Variants in CAPN5 observed in about 807,000 individuals in gnomAD.
CAPN5 encodes calpain 5, also known as calpain-5.
In CAPN5, 54 loss-of-function variants were observed where a neutral mutation model predicts 73.0. The observed-to-expected ratio is 0.74, with a 90% CI of 0.59 to 0.93. The LOEUF is 0.93. CAPN5 is among the 40% of genes least tolerant of loss of function. The pLI, the probability that CAPN5 is intolerant of heterozygous loss-of-function variation, is 0.00. For missense variants in CAPN5, 785 were observed against 882.9 expected, an observed-to-expected ratio of 0.89 and a Z score of 1.41; for synonymous variants, 335 against 356.9, an observed-to-expected ratio of 0.94 and a Z score of 0.69.
Position 77,074,878 on chromosome 11 carries a change from C to T in CAPN5, c.-36+7784C>T, listed in dbSNP as rs565717638. On this transcript the variant is annotated intron_variant, in intron 1 of 12. Coordinates refer to ENST00000648180, the MANE Select transcript of CAPN5 (RefSeq NM_004055.5). ...TCCTGCATTCTCCCTTCACCCCCAC[C>T]AGTGGCTGGCCACCAGGAAGAGCTG... Among the ~76,000 whole-genome samples, 8 of 152,334 alleles carry T rather than the reference C, an allele frequency of 5.3e-5. No individual in the cohort carries two copies. In the South Asian group the frequency reaches 1.7e-3, roughly 32 times the overall value.
At chr11:77,108,882 T>C (rs1950381049) in intron 3 of CAPN5, among the ~76,000 whole-genome samples, 1 of 152,232 alleles carries the variant, frequency 6.6e-6, no homozygotes, top group Non-Finnish European at 1.5e-5. Context: ...AAGTCCATAA[T>C]TGCAATTGGT....
intron 3 of CAPN5, among the ~76,000 whole-genome samples, chr11:77,105,701 G>C (rs1030438289): frequency 6.6e-6 from 1 of 152,214 alleles, no homozygotes; most frequent in African/African-American, 2.4e-5. Flanking sequence ...GCTTGGTTCT[G>C]TGAAGGTCCT....
intron 1 of CAPN5, chr11:77,073,049 G>A (rs1328054298): frequency 5.4e-6 from 7 of 1,287,984 alleles, no homozygotes; most frequent in Non-Finnish European, 7.1e-6. Flanking sequence ...CCGGGTGAGA[G>A]AGAATGTCCT....
chr11:77,096,820 G>A (rs944924384), intron 3 of CAPN5, among the ~76,000 whole-genome samples: 3 of 152,212 alleles, frequency 2.0e-5, no homozygotes, highest in African/African-American at 7.2e-5. Flanking sequence ...CCAAAAAAAA[G>A]CATGGAAGTG....
At chr11:77,096,866 G>C (rs1950213950) in intron 3 of CAPN5, among the ~76,000 whole-genome samples, 1 of 152,204 alleles carries the variant, frequency 6.6e-6, no homozygotes, top group South Asian at 2.1e-4. Flanking sequence ...GTGTCTCTAG[G>C]AGGGAGTGTT....
At chr11:77,090,048 C>T (rs1013301611) in intron 2 of CAPN5, among the ~76,000 whole-genome samples, 14 of 152,202 alleles carry the variant, frequency 9.2e-5, no homozygotes, top group African/African-American at 3.4e-4. Context: ...GCCAACAGTG[C>T]CCATCTCACA....
At chr11:77,074,942 G>A (rs1425995739) in intron 1 of CAPN5, among the ~76,000 whole-genome samples, 2 of 152,170 alleles carry the variant, frequency 1.3e-5, no homozygotes, top group African/African-American at 2.4e-5. Context: ...CAGCCCCTCC[G>A]CATCCACACG....
chr11:77,119,141 G>A lies in CAPN5; in HGVS notation c.1279G>A (p.Asp427Asn), dbSNP rs782800531. 2.5e-6 allele frequency: 4 copies of A among 1,611,938 alleles called. No homozygotes were observed. The highest frequency in any genetic ancestry group is 1.1e-5 in the South Asian group (1 of 90,460). ...GKGENLAIGF[D>N]IYKVEENRQY... ...GGGTGAGAACCTGGCCATTGGCTTT[G>A]ACATCTACAAGGTGAGGCCAGCCGG... The change falls in exon 9 of 13, where the codon GAC becomes AAC. Residue 427 changes from aspartate (D) to asparagine (N), a missense_variant. Physicochemically the swap from Asp to Asn is conservative, Grantham distance 23. Transcript: ENST00000648180.
Position 77,112,718 on chromosome 11 carries a change from G to C in CAPN5, c.427G>C (p.Val143Leu). 1.9e-6 allele frequency: 3 copies of C among 1,614,264 alleles called. No homozygotes were observed. Among genetic ancestry groups the C allele is most frequent in the Non-Finnish European group, 2.5e-6 (3 of 1,180,038 alleles). ...GGTCATCGATGACCGGCTGCCCACA[G>C]TCAACAACCAGCTCATCTACTGCCA... ...DVVIDDRLPT[V>L]NNQLIYCHSN... The change falls in exon 4 of 13, where the codon GTC (valine) becomes CTC (leucine). Residue 143 changes from valine (V) to leucine (L), a missense_variant. Transcript: ENST00000648180.
At chr11:77,085,575 C>T (rs563392013) in intron 2 of CAPN5, among the ~76,000 whole-genome samples, 25 of 152,248 alleles carry the variant, frequency 1.6e-4, no homozygotes, top group African/African-American at 5.8e-4. Context: ...AGAGGTAATG[C>T]ATGCAAAATT....
rs778862167 is a variant in CAPN5 at position 77,124,180 on chromosome 11, C to T, written c.*310C>T. 33 of 332,404 alleles carry T rather than the reference C, an allele frequency of 9.9e-5. No individual in the cohort carries two copies. Among genetic ancestry groups the T allele is most frequent in the African/African-American group, 5.6e-4 (27 of 48,068 alleles). The allele number at this position is 332,404 out of a possible 1,614,324, so 20.6% of individuals were successfully genotyped here. A position where few individuals can be genotyped will look rare whatever the true frequency, so the allele number is the denominator to read the frequency against. ...TAAGGCCCTGCTGTCTGCCGAGGAG[C>T]GCCAAGAAGATGTCACTTGTTTACA... On this transcript the variant is annotated 3_prime_UTR_variant, in exon 13 of 13. Coordinates refer to ENST00000648180, the MANE Select transcript of CAPN5 (RefSeq NM_004055.5).
At chr11:77,119,319 T>G in intron 9 of CAPN5, 167 bp downstream of exon 9, 1 of 743,158 alleles carries the variant, frequency 1.3e-6, no homozygotes. Context: ...CACTTGAATA[T>G]TCACAGAGGG....
chr11:77,089,878 A>C (rs1247847158), intron 2 of CAPN5, among the ~76,000 whole-genome samples: 4 of 152,172 alleles, frequency 2.6e-5, no homozygotes, highest in Admixed American at 1.3e-4. Flanking sequence ...CCATCTAAAA[A>C]AAACAAACAA....
chr11:77,104,309 G>A lies in CAPN5; in HGVS notation c.298-8280G>A, dbSNP rs554777702. On this transcript the variant is annotated intron_variant, in intron 3 of 12. Coordinates refer to ENST00000648180, the MANE Select transcript of CAPN5 (RefSeq NM_004055.5). ...TCCAGGGCCTCAGGTATCCCCTGCT[G>A]GGGAGTCAGGCTCTTTAGAGCTTGC... 1.4e-4 allele frequency among the ~76,000 whole-genome samples: 22 copies of A among 152,290 alleles called. 1 individual carries two copies. The South Asian group carries it at 4.6e-3, about 32-fold the overall frequency.
chr11:77,112,556 T>G, intron 3 of CAPN5, 33 bp from the exon 4 acceptor site: 112 of 1,445,126 alleles, frequency 7.8e-5, no homozygotes, highest in Non-Finnish European at 1.0e-4. Flanking sequence ...CCTCACTGTG[T>G]TCCCCCATCC....
intron 3 of CAPN5, among the ~76,000 whole-genome samples, chr11:77,096,685 G>A (rs1326024350): frequency 6.6e-6 from 1 of 152,264 alleles, no homozygotes; most frequent in Non-Finnish European, 1.5e-5. Context: ...TCCTGGCCTG[G>A]CCTAAGCCAA....
At chr11:77,087,310 G>A (rs977762168) in intron 2 of CAPN5, among the ~76,000 whole-genome samples, 1 of 152,212 alleles carries the variant, frequency 6.6e-6, no homozygotes, top group Admixed American at 6.5e-5. Flanking sequence ...CAGCCCAGTG[G>A]GTTATCATTA....
chr11:77,103,889 G>A (rs938286704), intron 3 of CAPN5, among the ~76,000 whole-genome samples: 1 of 152,208 alleles, frequency 6.6e-6, no homozygotes, highest in African/African-American at 2.4e-5. Flanking sequence ...TGCTGCAGGG[G>A]TGGATTTGGG....
chr11:77,084,696 C>G (rs1300024155), intron 1 of CAPN5, among the ~76,000 whole-genome samples, 156 bp from the exon 2 acceptor site: 1 of 152,202 alleles, frequency 6.6e-6, no homozygotes, highest in African/African-American at 2.4e-5. Flanking sequence ...GGTGTCTGTC[C>G]CACTCTGCTG....
Sources: gnomAD v4.1 joint callset for allele counts (sites outside exome capture counted in the v4.1 genomes callset) on GRCh38, gnomAD v4.1.1 for gene constraint, MANE v1.5 for transcripts, NCBI Gene and HGNC (gene_info 2026-07-23, HGNC 2026-07-21) for gene names.